Variants in SLC26A8 observed in about 807,000 individuals in gnomAD.
SLC26A8 encodes solute carrier family 26 member 8, also known as testis anion transporter 1.
SLC26A8 carries 70 observed loss-of-function variants against 105.0 expected under a neutral mutation model. The ratio of observed to expected loss-of-function variants is 0.67; its 90% CI spans 0.55 to 0.81. The LOEUF (loss-of-function observed/expected upper bound fraction) is 0.81, where lower values mean the gene tolerates loss of function less well. SLC26A8 is among the 40% of genes least tolerant of loss of function. SLC26A8 has a pLI of 0.00. For synonymous variants in SLC26A8, 415 were observed against 438.3 expected, an observed-to-expected ratio of 0.95 and a Z score of 0.66; for missense variants, 998 against 1,181.8, an observed-to-expected ratio of 0.84 and a Z score of 2.28.
intron 4 of SLC26A8, among the ~76,000 whole-genome samples, 155 bp from the exon 5 acceptor site, chr6:35,998,074 G>A (rs1459429858): frequency 1.3e-5 from 2 of 152,192 alleles, no homozygotes; most frequent in Non-Finnish European, 2.9e-5. Flanking sequence ...AATCAAAAAA[G>A]AGAACTGTGT....
intron 5 of SLC26A8, 43 bp from the exon 6 acceptor site, chr6:35,992,717 T>A (rs745433903): frequency 6.5e-7 from 1 of 1,545,504 alleles, no homozygotes; most frequent in Non-Finnish European, 8.7e-7. Context: ...ATGTCTTCAA[T>A]CCAGCAATGG....
intron 10 of SLC26A8, among the ~76,000 whole-genome samples, chr6:35,973,825 A>G (rs1772892625): frequency 6.6e-6 from 1 of 152,192 alleles, no homozygotes. Context: ...GACCATGGCT[A>G]CACCTTTTAC....
intron 5 of SLC26A8, among the ~76,000 whole-genome samples, chr6:35,997,452 G>T (rs2127354393): frequency 6.6e-6 from 1 of 152,264 alleles, no homozygotes. Context: ...AAAGGTTGGG[G>T]ACCACTGCTC....
intron 3 of SLC26A8, among the ~76,000 whole-genome samples, chr6:36,006,543 T>C (rs1363674513): frequency 6.6e-6 from 1 of 152,206 alleles, no homozygotes; most frequent in East Asian, 1.9e-4. Context: ...TGATGACTTT[T>C]TAATTTAGCA....
At chr6:35,995,796 C>A (rs897557595) in intron 5 of SLC26A8, among the ~76,000 whole-genome samples, 2 of 152,050 alleles carry the variant, frequency 1.3e-5, no homozygotes, top group Non-Finnish European at 2.9e-5. Flanking sequence ...CAGATGTGAG[C>A]CACCATGCCC....
chr6:36,019,858 T>C (rs562480476), intron 1 of SLC26A8, 149 bp from the exon 2 acceptor site: 4 of 747,532 alleles, frequency 5.4e-6, no homozygotes, highest in East Asian at 5.9e-5. Context: ...CAAAGTTGTA[T>C]AATTTTATGT....
At chr6:36,019,313 C>T (rs990177315) in intron 2 of SLC26A8, among the ~76,000 whole-genome samples, 1 of 152,162 alleles carries the variant, frequency 6.6e-6, no homozygotes, top group Non-Finnish European at 1.5e-5. Context: ...ACCATAGGGA[C>T]ATCCAAGATC....
rs1773493331 is a variant in SLC26A8, at chr6:35,985,769, C to T, written c.943-3566G>A. 2.7e-5 allele frequency among the ~76,000 whole-genome samples: 4 copies of T among 148,180 alleles called. No homozygotes were observed. The Admixed American group carries it at 2.7e-4, about 10-fold the overall frequency. On this transcript the variant is annotated intron_variant, in intron 7 of 19. Coordinates refer to ENST00000490799, the MANE Select transcript of SLC26A8 (RefSeq NM_052961.4). ...CTGCTGTCTGCTGGTGACTACAAAG[C>T]TGCAGCCTCCTAAGGTGCCAGAGAT...
intron 2 of SLC26A8, among the ~76,000 whole-genome samples, chr6:36,013,386 G>A (rs1581698166): frequency 6.6e-6 from 1 of 152,204 alleles, no homozygotes; most frequent in African/African-American, 2.4e-5. Context: ...TAGTAGAGAT[G>A]GAGTTTCACC....
rs554478364 is a variant in SLC26A8 at position 35,974,403 on chromosome 6, A to G, written c.1287+972T>C. The stretch of plus-strand genomic sequence containing the variant: ...CTGCAATTAGACACTTTGCCTCTAC[A>G]GTCTTTTCGACCACCATTCTCTCTA... On this transcript the variant is annotated intron_variant, in intron 10 of 19. Transcript: ENST00000490799. Among the ~76,000 whole-genome samples, 25 of 152,340 alleles carry G rather than the reference A, an allele frequency of 1.6e-4. No homozygotes were observed. The South Asian group carries it at 5.0e-3, about 30-fold the overall frequency.
chr6:35,951,968 G>A (rs1391776840), intron 17 of SLC26A8, among the ~76,000 whole-genome samples: 2 of 152,202 alleles, frequency 1.3e-5, no homozygotes, highest in African/African-American at 2.4e-5. Flanking sequence ...CATTTGATGA[G>A]TGGAGTTCTC....
intron 5 of SLC26A8, among the ~76,000 whole-genome samples, chr6:35,994,617 C>A (rs1407495018): frequency 6.6e-6 from 1 of 150,974 alleles, no homozygotes; most frequent in Non-Finnish European, 1.5e-5. Flanking sequence ...GCTCTGTCAC[C>A]CAGGCTGGAG....
chr6:35,972,899 C>T (rs1471329184), intron 10 of SLC26A8, among the ~76,000 whole-genome samples: 1 of 152,204 alleles, frequency 6.6e-6, no homozygotes, highest in African/African-American at 2.4e-5. Context: ...AGTCTTCCTC[C>T]AGTCTGCATT....
At chr6:35,945,919 G>A (rs544631381) in intron 19 of SLC26A8, among the ~76,000 whole-genome samples, 4 of 152,056 alleles carry the variant, frequency 2.6e-5, no homozygotes, top group East Asian at 1.9e-4. Flanking sequence ...TTTTCTTCTC[G>A]ACCACCATAT....
At chr6:35,989,157 G>A (rs1773652522) in intron 7 of SLC26A8, among the ~76,000 whole-genome samples, 1 of 151,990 alleles carries the variant, frequency 6.6e-6, no homozygotes, top group Admixed American at 6.6e-5. Flanking sequence ...TATGTTTTGA[G>A]GAATTTATAC....
intron 19 of SLC26A8, among the ~76,000 whole-genome samples, chr6:35,949,326 G>A (rs1287871181): frequency 6.6e-6 from 1 of 152,070 alleles, no homozygotes; most frequent in African/African-American, 2.4e-5. Flanking sequence ...CAGCTACCTG[G>A]AAGGCTGAGG....
chr6:35,997,388 G>A (rs75170833), intron 5 of SLC26A8, among the ~76,000 whole-genome samples: 7,453 of 152,194 alleles, frequency 0.049, 197 homozygotes, highest in Middle Eastern at 0.1. Context: ...CCCTGGCCCC[G>A]ACCTGCCATT....
intron 6 of SLC26A8, 110 bp downstream of exon 6, chr6:35,992,400 G>T: frequency 8.7e-7 from 1 of 1,145,838 alleles, no homozygotes; most frequent in Non-Finnish European, 1.2e-6. Context: ...GCTGCCTATA[G>T]GCTGTGTCTC....
intron 19 of SLC26A8, among the ~76,000 whole-genome samples, chr6:35,946,063 C>T (rs1225464572): frequency 1.3e-5 from 2 of 152,150 alleles, no homozygotes; most frequent in Non-Finnish European, 2.9e-5. Context: ...TCTTGTCTAT[C>T]TATGCTCTCT....
Sources: gnomAD v4.1 joint callset for allele counts (sites outside exome capture counted in the v4.1 genomes callset) on GRCh38, gnomAD v4.1.1 for gene constraint, MANE v1.5 for transcripts, NCBI Gene and HGNC (gene_info 2026-07-23, HGNC 2026-07-21) for gene names.